Variants in SEC16A observed in about 807,000 individuals in gnomAD.
SEC16A encodes the protein SEC16 homolog A, endoplasmic reticulum export factor, also known as protein transport protein Sec16A.
SEC16A carries 110 observed loss-of-function variants against 221.9 expected under a neutral mutation model. The ratio of observed to expected loss-of-function variants is 0.50; its 90% CI spans 0.42 to 0.58. The LOEUF (loss-of-function observed/expected upper bound fraction) is 0.58. SEC16A is among the 20% of genes least tolerant of loss of function. The pLI is 0.00. For synonymous variants in SEC16A, 1,393 were observed against 1,257.7 expected, an observed-to-expected ratio of 1.11 and a Z score of -2.28; for missense variants, 3,165 against 3,097.8, an observed-to-expected ratio of 1.02 and a Z score of -0.52.
chr9:136,471,831 G>A (rs2132722200), intron 4 of SEC16A, 144 bp downstream of exon 4: 2 of 1,020,572 alleles, frequency 2.0e-6, no homozygotes, highest in Non-Finnish European at 2.9e-6. Context: ...TCCATACCAA[G>A]AAAATGTCAA....
chr9:136,448,030 C>CT, intron 24 of SEC16A, 54 bp downstream of exon 24: 1 of 1,563,918 alleles, frequency 6.4e-7, no homozygotes, highest in South Asian at 1.1e-5. Flanking sequence ...CTGAAAGTGA[C>CT]AGAAAAATCA....
In SEC16A at chr9:136,466,781, C is replaced by G. The variant is rs1840221704; in HGVS notation, c.3929+176G>C. ...GCCAGTTCTCCTCTAACAGTCCAAG[C>G]TGGGAACCCTGGGAGGGTCTGCTCC... is the stretch of plus-strand genomic sequence containing the variant. On this transcript the variant is annotated intron_variant, in intron 6 of 31. Coordinates refer to ENST00000684901, the MANE Select transcript of SEC16A (RefSeq NM_014866.2). The surrounding 1 kb of genome is among the most constrained non-coding windows in gnomAD (Gnocchi z 5.5). Among the ~76,000 whole-genome samples, 1 of 152,222 alleles carries G rather than the reference C, an allele frequency of 6.6e-6. No individual in the cohort carries two copies. Among genetic ancestry groups the G allele is most frequent in the Non-Finnish European group, 1.5e-5 (1 of 68,034 alleles).
intron 28 of SEC16A, among the ~76,000 whole-genome samples, chr9:136,445,976 C>A (rs1836918045): frequency 6.6e-6 from 1 of 152,126 alleles, no homozygotes; most frequent in East Asian, 1.9e-4. Context: ...TACTGTTATT[C>A]CCATTTTACA....
intron 19 of SEC16A, 101 bp from the exon 20 acceptor site, chr9:136,455,894 A>G (rs571752953): frequency 7.7e-7 from 1 of 1,300,374 alleles, no homozygotes; most frequent in African/African-American, 1.5e-5. Context: ...ACTTCAGGAC[A>G]GGAGGCACTC....
At position 136,466,140 on chromosome 9, in the gene SEC16A, AG is replaced by A. The variant is rs2132517731; in HGVS notation, c.4129-5del. On this transcript the variant is annotated splice_polypyrimidine_tract_variant and splice_region_variant and intron_variant, in intron 7 of 31. Coordinates refer to ENST00000684901, the MANE Select transcript of SEC16A (RefSeq NM_014866.2). This position sits in a 1 kb window ranked among gnomAD's most constrained non-coding sequence, Gnocchi z 5.5. ...TGTGGCTTCTGTAAATCTGACTCTT[AG>A]AAAACAAAGCAAACGGGCAAAATCA... is the stretch of plus-strand genomic sequence containing the variant. The A allele has an allele frequency of 1.3e-6, 2 of 1,585,426 alleles. No homozygotes were observed. Among genetic ancestry groups the A allele is most frequent in the Non-Finnish European group, 1.7e-6 (2 of 1,163,874 alleles).
In SEC16A at chr9:136,450,783, C is replaced by T. The variant is rs1837676284; in HGVS notation, c.6312+473G>A. Among the ~76,000 whole-genome samples, 7 of 152,302 alleles carry T rather than the reference C, an allele frequency of 4.6e-5. No homozygotes were observed. In the South Asian group the frequency reaches 1.5e-3, roughly 32 times the overall value. ...CTCCTAAAGCTGAACACACGCTCATCCTGCGAGCTAAACCCTCAGCTCCTT... is the reference window on the plus strand; with the variant it reads ...CTCCTAAAGCTGAACACACGCTCATTCTGCGAGCTAAACCCTCAGCTCCTT... On this transcript the variant is annotated intron_variant, in intron 23 of 31. Coordinates refer to ENST00000684901, the MANE Select transcript of SEC16A (RefSeq NM_014866.2).
At chr9:136,445,617 G>C (rs1195190593) in intron 29 of SEC16A, 28 bp downstream of exon 29, 3 of 1,518,698 alleles carry the variant, frequency 2.0e-6, no homozygotes, top group South Asian at 2.4e-5. Context: ...CCTGGGCTGC[G>C]GGGGGCCCTG....
At chr9:136,457,407 A>C in intron 18 of SEC16A, 37 bp downstream of exon 18, 32 of 1,568,312 alleles carry the variant, frequency 2.0e-5, no homozygotes, top group Non-Finnish European at 2.8e-5. Context: ...CCCTGCAGTC[A>C]GCACAGCATC....
At chr9:136,484,429 G>A (rs377487071), upstream of SEC16A, 7 of 1,200,436 alleles carry the variant, frequency 5.8e-6, no homozygotes, top group South Asian at 1.5e-5. Context: ...GAGGCTGAGC[G>A]GTTGAGGAAG....
chr9:136,483,055 C>A (rs1484860081), upstream of SEC16A: 13 of 981,100 alleles, frequency 1.3e-5, no homozygotes, highest in Non-Finnish European at 1.6e-5. Context: ...CGGGTCTCCG[C>A]GGCCGCCGCG....
chr9:136,474,496 A>G lies in SEC16A; in HGVS notation c.3120T>C (p.Phe1040=). The part of the protein sequence containing the change: ...SGPGAPNLDR[F]YQQVTKDAQG... ...GGGCATCTTTCGTGACCTGCTGATA[A>G]AAACGGTCAAGGTTAGGCGCCCCAG... The change falls in exon 3 of 32, where the codon TTT becomes TTC. Residue 1040 remains phenylalanine (F), a synonymous_variant. Coordinates refer to ENST00000684901, the MANE Select transcript of SEC16A (RefSeq NM_014866.2). The G allele has an allele frequency of 1.2e-6, 2 of 1,613,094 alleles. No homozygotes were observed. The highest frequency in any genetic ancestry group is 3.3e-4 in the Middle Eastern group (2 of 6,062).
chr9:136,484,293 T>G, upstream of SEC16A: 1 of 1,002,478 alleles, frequency 1.0e-6, no homozygotes, highest in Non-Finnish European at 1.2e-6. Context: ...AGCGGAGGGG[T>G]GAGGCGGGTA....
At chr9:136,452,644 G>GT (rs1296921542) in intron 22 of SEC16A, among the ~76,000 whole-genome samples, 4 of 151,006 alleles carry the variant, frequency 2.6e-5, no homozygotes, top group Admixed American at 6.6e-5. Context: ...GCACATGCCT[G>GT]TAGTCCCAGC....
At chr9:136,463,778 CG>C (rs1564500287) in intron 9 of SEC16A, 38 bp from the exon 10 acceptor site, 12 of 1,606,726 alleles carry the variant, frequency 7.5e-6, no homozygotes, top group Admixed American at 1.7e-5. Context: ...GCAGCCAGTG[CG>C]CAGCCACCCT....
At position 136,466,196 on chromosome 9, in the gene SEC16A, G is replaced by A; in HGVS notation, c.4129-60C>T. ...CCCAGGCACAGCAGTAAAACTTTAG[G>A]TACATTGCAAACAGGATGGTGGTTC... On this transcript the variant is annotated intron_variant, in intron 7 of 31. Transcript: ENST00000684901. The surrounding 1 kb of genome is among the most constrained non-coding windows in gnomAD (Gnocchi z 5.5). 7 of 1,568,514 alleles carry A rather than the reference G, an allele frequency of 4.5e-6. No homozygotes were observed. Among genetic ancestry groups the A allele is most frequent in the Non-Finnish European group, 6.1e-6 (7 of 1,154,484 alleles).
rs370085010 is a variant in SEC16A, at chr9:136,475,470, C to G, written c.2146G>C (p.Val716Leu). ...GTCGTTGCTGGGCTCTCACACTTCA[C>G]GGGCCCCTGGGTCCTGGCTGAAGGC... ...KRPSARTQGP[V>L]KCESPATTLW... Residue 716 changes from valine (V) to leucine (L), a missense_variant, in exon 3 of 32, where the codon GTG becomes CTG. This residue lies in a region of SEC16A where 2,030 missense variants were observed against 1,923.1 expected (regional missense o/e 1.06). Transcript: ENST00000684901. This position sits in a 1 kb window ranked among gnomAD's most constrained non-coding sequence, Gnocchi z 5.0. The G allele has an allele frequency of 1.9e-6, 3 of 1,607,090 alleles. No individual in the cohort carries two copies. The highest frequency in any genetic ancestry group is 1.3e-5 in the African/African-American group (1 of 74,680).
chr9:136,461,554 G>A (rs530230645), intron 12 of SEC16A, among the ~76,000 whole-genome samples: 4 of 152,276 alleles, frequency 2.6e-5, no homozygotes, highest in East Asian at 1.9e-4. Context: ...GGCTAATCAC[G>A]CAGCGCTGCC....
At position 136,459,171 on chromosome 9, in the gene SEC16A, G is replaced by A. The variant is rs1383742166; in HGVS notation, c.5372C>T (p.Ser1791Phe). ...CAGGGGGCAGGTCTCGGCACCCAGG[G>A]ACTGGGCGTACTCATAGGCTTCCGT... ...QRTEAYEYAQ[S>F]LGAETCPLPS... The change falls in exon 17 of 32, where the codon TCC (serine) becomes TTC (phenylalanine). Residue 1791 changes from serine (S) to phenylalanine (F), a missense_variant. Around this residue, in one of 3 missense-constraint regions of SEC16A, gnomAD observed 1,088 missense variants for 1,089.6 expected, o/e 1.00. Coordinates refer to ENST00000684901, the MANE Select transcript of SEC16A (RefSeq NM_014866.2). The surrounding 1 kb of genome is among the most constrained non-coding windows in gnomAD (Gnocchi z 6.1). 3.7e-6 allele frequency: 6 copies of A among 1,613,252 alleles called. No homozygotes were observed. The highest frequency in any genetic ancestry group is 1.1e-5 in the South Asian group (1 of 90,992).
At chr9:136,460,571 A>G (rs1839341902) in intron 13 of SEC16A, among the ~76,000 whole-genome samples, 1 of 150,374 alleles carries the variant, frequency 6.7e-6, no homozygotes. Context: ...ACATCTCAAT[A>G]TTTTATTTTT....
Sources: gnomAD v4.1 joint callset for allele counts (sites outside exome capture counted in the v4.1 genomes callset) on GRCh38, gnomAD v4.1.1 for gene constraint, gnomAD v4.1.1 regional missense constraint, Gnocchi (gnomAD v3.1) non-coding constraint, MANE v1.5 for transcripts, NCBI Gene and HGNC (gene_info 2026-07-23, HGNC 2026-07-21) for gene names.